CRK: variants seen among roughly 807,000 people sequenced by gnomAD.
The protein encoded by CRK is CRK proto-oncogene, adaptor protein.
Under a neutral mutation model 29.8 loss-of-function variants are expected in CRK, and 4 were observed. That is an observed-to-expected ratio of 0.13 (90% CI 0.07 to 0.31). The LOEUF is 0.31. Among genes scored for constraint, CRK ranks in the 10% least tolerant of loss-of-function variants. The pLI is 1.00. For synonymous variants in CRK, 153 were observed against 164.9 expected (o/e 0.93, Z 0.55); for missense variants, 274 against 396.5 (o/e 0.69, Z 2.62).
chr17:1,443,878 T>C (rs1200376895), intron 1 of CRK, among the ~76,000 whole-genome samples: 1 of 150,982 alleles, frequency 6.6e-6, no homozygotes, highest in Non-Finnish European at 1.5e-5. Flanking sequence ...TTTTTTGTAT[T>C]TTTAGTAGAG....
intron 1 of CRK, among the ~76,000 whole-genome samples, chr17:1,449,891 T>C (rs998951066): frequency 2.6e-5 from 4 of 152,174 alleles, no homozygotes; most frequent in African/African-American, 9.7e-5. Flanking sequence ...GCCCATTCTG[T>C]ACCCATGCCT....
chr17:1,434,814 A>G (rs1313026821), intron 2 of CRK, among the ~76,000 whole-genome samples: 1 of 143,914 alleles, frequency 6.9e-6, no homozygotes, highest in Non-Finnish European at 1.5e-5. Flanking sequence ...AAAAAATCCA[A>G]AAAAACCCAA....
At chr17:1,424,278 G>T (rs2073755536) in intron 2 of CRK, among the ~76,000 whole-genome samples, 1 of 152,126 alleles carries the variant, frequency 6.6e-6, no homozygotes, top group South Asian at 2.1e-4. Flanking sequence ...TCTTGGCCAG[G>T]CTGGTCTCGA....
chr17:1,427,910 GGCATCA>G (rs1320458516), intron 2 of CRK, among the ~76,000 whole-genome samples: 24 of 151,988 alleles, frequency 1.6e-4, no homozygotes, highest in African/African-American at 5.8e-4. Context: ...TGGAATTACA[GGCATCA>G]GCCACCGCGC....
At chr17:1,439,531 A>C (rs2073918247) in intron 1 of CRK, among the ~76,000 whole-genome samples, 1 of 152,136 alleles carries the variant, frequency 6.6e-6, no homozygotes, top group Non-Finnish European at 1.5e-5. Flanking sequence ...TCTAATAATA[A>C]CAACTAGTAA....
intron 1 of CRK, among the ~76,000 whole-genome samples, chr17:1,448,867 T>C (rs2073996206): frequency 1.3e-5 from 2 of 151,966 alleles, no homozygotes; most frequent in Admixed American, 1.3e-4. Context: ...GGAGGATCTC[T>C]TTATTTTTTT....
chr17:1,443,793 G>A (rs1474727423), intron 1 of CRK, among the ~76,000 whole-genome samples: 1 of 142,740 alleles, frequency 7.0e-6, no homozygotes, highest in African/African-American at 2.6e-5. Context: ...TCTGCCTCCT[G>A]GGTTCATGCA....
At chr17:1,444,727 G>C (rs1036348933) in intron 1 of CRK, among the ~76,000 whole-genome samples, 2 of 151,972 alleles carry the variant, frequency 1.3e-5, no homozygotes, top group African/African-American at 4.8e-5. Flanking sequence ...CAGCTACTTG[G>C]GAGGCTGAGG....
intron 1 of CRK, among the ~76,000 whole-genome samples, chr17:1,447,176 A>T (rs2073982056): frequency 6.6e-6 from 1 of 151,986 alleles, no homozygotes; most frequent in Non-Finnish European, 1.5e-5. Context: ...CTCTCCTTCC[A>T]ACCACAAACA....
intron 2 of CRK, among the ~76,000 whole-genome samples, chr17:1,432,040 C>A (rs975524204): frequency 6.6e-6 from 1 of 152,152 alleles, no homozygotes; most frequent in Non-Finnish European, 1.5e-5. Flanking sequence ...AGAGGGAGAC[C>A]TCACTACAGC....
chr17:1,442,938 G>A (rs1470583451), intron 1 of CRK, among the ~76,000 whole-genome samples: 1 of 151,432 alleles, frequency 6.6e-6, no homozygotes, highest in Non-Finnish European at 1.5e-5. Context: ...TGTCCAGGCT[G>A]GAGTGCAGTG....
At chr17:1,430,838 T>A (rs12949842) in intron 2 of CRK, among the ~76,000 whole-genome samples, 1 of 150,676 alleles carries the variant, frequency 6.6e-6, no homozygotes, top group Non-Finnish European at 1.5e-5. Context: ...GAGGCCGAGG[T>A]GGGTGGATCA....
intron 1 of CRK, among the ~76,000 whole-genome samples, chr17:1,449,402 G>C (rs1371080558): frequency 1.3e-5 from 2 of 152,130 alleles, no homozygotes; most frequent in Non-Finnish European, 2.9e-5. Flanking sequence ...ATGTTATTAA[G>C]ATTCGTATAC....
chr17:1,441,759 G>C (rs2073936810), intron 1 of CRK, among the ~76,000 whole-genome samples: 1 of 151,878 alleles, frequency 6.6e-6, no homozygotes, highest in Admixed American at 6.6e-5. Flanking sequence ...CAAAGTGCTG[G>C]GATTACAGGC....
intron 2 of CRK, among the ~76,000 whole-genome samples, chr17:1,434,987 G>A (rs1260117567): frequency 1.3e-5 from 2 of 152,102 alleles, no homozygotes; most frequent in African/African-American, 4.8e-5. Flanking sequence ...CTCTGAGAAA[G>A]GAAATGCAAA....
intron 1 of CRK, among the ~76,000 whole-genome samples, chr17:1,439,605 T>C (rs1225434020): frequency 6.6e-6 from 1 of 152,084 alleles, no homozygotes; most frequent in Admixed American, 6.6e-5. Context: ...CCCCAGCACT[T>C]AGGGAAGCTG....
intron 1 of CRK, among the ~76,000 whole-genome samples, chr17:1,455,458 G>A (rs2074048617): frequency 6.6e-6 from 1 of 152,204 alleles, no homozygotes; most frequent in Non-Finnish European, 1.5e-5. Context: ...CAACACGGCA[G>A]GAAACGTTTC....
intron 1 of CRK, among the ~76,000 whole-genome samples, chr17:1,438,438 C>CT (rs1310531350): frequency 2.0e-5 from 3 of 152,050 alleles, no homozygotes; most frequent in African/African-American, 7.2e-5. Flanking sequence ...CCTCTGGTAT[C>CT]TTTTTAAATC....
chr17:1,453,768 G>A (rs897557966), intron 1 of CRK, among the ~76,000 whole-genome samples: 3 of 152,124 alleles, frequency 2.0e-5, no homozygotes, highest in African/African-American at 4.8e-5. Context: ...CTAGCCAGGC[G>A]TAGTGGAGTG....
Sources: allele counts gnomAD v4.1 joint callset (sites outside exome capture counted in the v4.1 genomes callset), GRCh38; gene constraint gnomAD v4.1.1; transcripts MANE v1.5; gene names NCBI Gene and HGNC (gene_info 2026-07-23, HGNC 2026-07-21).